The following HIVEP2 variants were observed in gnomAD, a reference collection of about 807,000 sequenced individuals.
The protein encoded by HIVEP2 is HIVEP zinc finger 2.
HIVEP2 carries 14 observed loss-of-function variants against 180.7 expected under a neutral mutation model. The ratio of observed to expected loss-of-function variants is 0.08; its 90% CI spans 0.05 to 0.12. The LOEUF is 0.12. Among genes scored for constraint, HIVEP2 ranks in the 10% least tolerant of loss-of-function variants. The pLI is 1.00. For synonymous variants in HIVEP2, 1,184 were observed against 1,136.4 expected (o/e 1.04, Z -0.84); for missense variants, 2,579 against 3,008.5 (o/e 0.86, Z 3.34).
Position 142,773,923 on chromosome 6 carries a change from A to C in HIVEP2, c.816T>G (p.His272Gln). ...AGFIDVEAEI[H>Q]SDGEQSTDTD... ...TGTCTGTACTCTGTTCACCATCTGA[A>C]TGTATTTCTGCTTCTACATCAATAA... The change falls in exon 5 of 10, where the codon CAT becomes CAG. Residue 272 changes from histidine to glutamine, a missense_variant. Transcript: ENST00000367603. 6.2e-7 allele frequency: 1 copy of C among 1,614,070 alleles called. No homozygotes were observed.
At chr6:142,817,439 T>G (rs1776872790) in intron 2 of HIVEP2, among the ~76,000 whole-genome samples, 1 of 152,050 alleles carries the variant, frequency 6.6e-6, no homozygotes, top group Non-Finnish European at 1.5e-5. Context: ...AAATCTAAGT[T>G]ATTTCATTTC....
At chr6:142,823,621 G>A (rs752812188) in intron 2 of HIVEP2, among the ~76,000 whole-genome samples, 24 of 152,160 alleles carry the variant, frequency 1.6e-4, no homozygotes, top group Non-Finnish European at 2.2e-4. Context: ...GTTTCTCTTC[G>A]TGCTCTGATC....
At chr6:142,848,680 G>A (rs1775576365) in intron 1 of HIVEP2, among the ~76,000 whole-genome samples, 1 of 151,876 alleles carries the variant, frequency 6.6e-6, no homozygotes, top group Non-Finnish European at 1.5e-5. Flanking sequence ...CTGTGATTGT[G>A]CCACTGCACT....
At chr6:142,788,652 G>A (rs1776065836) in intron 2 of HIVEP2, among the ~76,000 whole-genome samples, 2 of 152,164 alleles carry the variant, frequency 1.3e-5, no homozygotes, top group Admixed American at 6.5e-5. Flanking sequence ...AGCAGAGGTT[G>A]CAGTGAGCCA....
chr6:142,899,899 G>A (rs983697423), intron 1 of HIVEP2, among the ~76,000 whole-genome samples: 4 of 152,168 alleles, frequency 2.6e-5, no homozygotes, highest in African/African-American at 9.7e-5. Flanking sequence ...TGAACCTAGT[G>A]GAGAGAATCA....
intron 1 of HIVEP2, among the ~76,000 whole-genome samples, chr6:142,912,223 A>T (rs1398087117): frequency 1.3e-5 from 2 of 152,234 alleles, no homozygotes; most frequent in African/African-American, 4.8e-5. Flanking sequence ...CATATTGGCC[A>T]ATGCAGTTCA....
At chr6:142,945,513 T>A (rs1045754275), upstream of HIVEP2, among the ~76,000 whole-genome samples, 6 of 151,422 alleles carry the variant, frequency 4.0e-5, no homozygotes, top group African/African-American at 1.5e-4. This position sits in a 1 kb window ranked among gnomAD's most constrained non-coding sequence, Gnocchi z 5.5. Flanking sequence ...GGACCTAGAT[T>A]CCCGCCGCTC....
chr6:142,918,179 C>A (rs1419499835), intron 1 of HIVEP2, among the ~76,000 whole-genome samples: 3 of 151,966 alleles, frequency 2.0e-5, no homozygotes, highest in African/African-American at 7.3e-5. Flanking sequence ...TCTTTGCCTC[C>A]CTATTTATTT....
chr6:142,842,378 A>C (rs1775386309), intron 1 of HIVEP2, among the ~76,000 whole-genome samples: 1 of 152,212 alleles, frequency 6.6e-6, no homozygotes, highest in Admixed American at 6.5e-5. Context: ...GGTACTCTCA[A>C]GGAATCTTAT....
At chr6:142,788,216 G>A (rs1014339366) in intron 2 of HIVEP2, 3 of 152,106 alleles carry the variant, frequency 2.0e-5, no homozygotes, top group Non-Finnish European at 2.9e-5. Context: ...TAAATGACGA[G>A]TTAATGGGTG....
chr6:142,904,320 T>A (rs948417390), intron 1 of HIVEP2, among the ~76,000 whole-genome samples: 5 of 152,200 alleles, frequency 3.3e-5, no homozygotes, highest in Admixed American at 6.5e-5. Flanking sequence ...TCCGGAAAAA[T>A]TAGTAATTAA....
chr6:142,772,974 T>C lies in HIVEP2; in HGVS notation c.1765A>G (p.Met589Val). ...PGTVGIPPQRMLRRQAAFELP... is the reference protein window; with the variant it reads ...PGTVGIPPQRVLRRQAAFELP... ...TCAAATGCCGCTTGTCTTCTTAGCA[T>C]GCGCTGAGGGGGTATGCCCACGGTC... Residue 589 changes from methionine (M) to valine (V), a missense_variant, in exon 5 of 10, where the codon ATG becomes GTG. Physicochemically the swap from Met to Val is conservative, Grantham distance 21. Coordinates refer to ENST00000367603, the MANE Select transcript of HIVEP2 (RefSeq NM_006734.4). This position sits in a 1 kb window ranked among gnomAD's most constrained non-coding sequence, Gnocchi z 4.9. The C allele has an allele frequency of 6.2e-7, 1 of 1,614,196 alleles. No individual in the cohort carries two copies. The highest frequency in any genetic ancestry group is 1.1e-5 in the South Asian group (1 of 91,086).
chr6:142,875,782 C>T (rs1470851863), intron 1 of HIVEP2, among the ~76,000 whole-genome samples: 1 of 152,112 alleles, frequency 6.6e-6, no homozygotes, highest in East Asian at 1.9e-4. Flanking sequence ...CAGCTGTAGG[C>T]AGGGGGACAC....
In HIVEP2 at chr6:142,889,037, C is replaced by T. The variant is rs919886579; in HGVS notation, c.-640-51990G>A. Among the ~76,000 whole-genome samples the T allele has an allele frequency of 6.6e-5, 10 of 152,082 alleles. No individual in the cohort carries two copies. The East Asian group carries it at 9.6e-4, about 15-fold the overall frequency. The stretch of plus-strand genomic sequence containing the variant: ...TATCATAATTTTTCATTTATGTGTT[C>T]GAACTTTCTATTTGATTTTGAGCTC... On this transcript the variant is annotated intron_variant, in intron 1 of 9. Coordinates refer to ENST00000367603, the MANE Select transcript of HIVEP2 (RefSeq NM_006734.4).
intron 2 of HIVEP2, among the ~76,000 whole-genome samples, chr6:142,794,627 G>T (rs538135828): frequency 1.3e-5 from 2 of 152,218 alleles, no homozygotes; most frequent in African/African-American, 4.8e-5. Context: ...TTGAGCTATG[G>T]TCAAATTTCC....
At chr6:142,817,587 G>C (rs1323400697) in intron 2 of HIVEP2, among the ~76,000 whole-genome samples, 1 of 152,190 alleles carries the variant, frequency 6.6e-6, no homozygotes, top group African/African-American at 2.4e-5. Flanking sequence ...TTCACACTCT[G>C]AGATGTAAAT....
chr6:142,809,389 C>T (rs1562244060), intron 2 of HIVEP2, among the ~76,000 whole-genome samples: 1 of 152,136 alleles, frequency 6.6e-6, no homozygotes, highest in Non-Finnish European at 1.5e-5. Flanking sequence ...GCACACACCC[C>T]TTTAAGATAC....
chr6:142,937,065 G>A (rs1489517066), intron 1 of HIVEP2, among the ~76,000 whole-genome samples: 2 of 152,096 alleles, frequency 1.3e-5, no homozygotes, highest in African/African-American at 2.4e-5. Context: ...GGTAATTCAG[G>A]CCCCAAAAGC....
At chr6:142,864,532 T>C (rs1186446528) in intron 1 of HIVEP2, among the ~76,000 whole-genome samples, 1 of 152,144 alleles carries the variant, frequency 6.6e-6, no homozygotes, top group Admixed American at 6.6e-5. Context: ...TGTTTATACG[T>C]TTAGGATATT....
Sources: allele counts gnomAD v4.1 joint callset (sites outside exome capture counted in the v4.1 genomes callset), GRCh38; gene constraint gnomAD v4.1.1; non-coding constraint Gnocchi (gnomAD v3.1); transcripts MANE v1.5; gene names NCBI Gene and HGNC (gene_info 2026-07-23, HGNC 2026-07-21).